Variants in ANKMY1 observed in about 807,000 individuals in gnomAD.
ANKMY1 encodes the protein ankyrin repeat and MYND domain containing 1, also known as ankyrin repeat and MYND domain-containing protein 1.
A neutral mutation model predicts 102.0 loss-of-function variants in ANKMY1; 98 were observed. The observed-to-expected ratio is 0.96, with a 90% CI of 0.82 to 1.14. ANKMY1 has a LOEUF of 1.14. Among genes scored for constraint, ANKMY1 ranks in the 50% most tolerant of loss-of-function variants. The probability of loss-of-function intolerance (pLI) is 0.00; values close to 1 mark genes in which losing one functional copy is unlikely to be tolerated. For synonymous variants in ANKMY1, 582 were observed against 559.9 expected (o/e 1.04, Z -0.56); for missense variants, 1,330 against 1,347.6 (o/e 0.99, Z 0.20).
intron 4 of ANKMY1, among the ~76,000 whole-genome samples, chr2:240,538,206 C>A (rs2087408205): frequency 6.6e-6 from 1 of 152,366 alleles, no homozygotes; most frequent in South Asian, 2.1e-4. Flanking sequence ...CAGCCTGCTG[C>A]TGCGCTGTGG....
At chr2:240,482,067 G>T in intron 16 of ANKMY1, 116 bp downstream of exon 16, 1 of 1,175,944 alleles carries the variant, frequency 8.5e-7, no homozygotes, top group Non-Finnish European at 1.2e-6. Context: ...CATGCCACTT[G>T]GGGGTCAGAT....
At chr2:240,550,360 C>T (rs1426615084) in intron 4 of ANKMY1, among the ~76,000 whole-genome samples, 5 of 107,106 alleles carry the variant, frequency 4.7e-5, no homozygotes, top group Non-Finnish European at 8.6e-5. Context: ...CTGGGGACTG[C>T]TGTGGGGTGG....
intron 15 of ANKMY1, among the ~76,000 whole-genome samples, chr2:240,486,596 T>C (rs2076087490): frequency 6.6e-6 from 1 of 152,232 alleles, no homozygotes; most frequent in African/African-American, 2.4e-5. Flanking sequence ...TTCACTTTCA[T>C]GTTTGCAAGT....
chr2:240,526,640 G>A (rs1293511284), intron 5 of ANKMY1, 195 bp from the exon 6 acceptor site: 2 of 1,438,550 alleles, frequency 1.4e-6, no homozygotes, highest in Non-Finnish European at 1.8e-6. Context: ...ACACGGTGGT[G>A]CAGACATGCC....
upstream of ANKMY1, chr2:240,560,354 G>C (rs538894732): frequency 3.2e-3 from 720 of 223,788 alleles, 8 homozygotes; most frequent in African/African-American, 0.015. Context: ...GCGCCCAAGA[G>C]CCACAGACGC....
At chr2:240,560,759 A>G (rs2092916017), upstream of ANKMY1, 2 of 1,488,258 alleles carry the variant, frequency 1.3e-6, no homozygotes, top group East Asian at 2.9e-5. Flanking sequence ...TCGCGCCCTC[A>G]CTCTTCCTCG....
At chr2:240,482,132 CA>C (rs780291082) in intron 16 of ANKMY1, 50 bp downstream of exon 16, 1 of 1,595,516 alleles carries the variant, frequency 6.3e-7, no homozygotes, top group Admixed American at 1.7e-5. Flanking sequence ...CAGCACTGTC[CA>C]AACCACAGGC....
chr2:240,523,677 G>A, intron 8 of ANKMY1: 2 of 790,138 alleles, frequency 2.5e-6, no homozygotes, highest in South Asian at 3.7e-5. Context: ...CAGGGCTGGG[G>A]TGGCACTGAA....
intron 4 of ANKMY1, among the ~76,000 whole-genome samples, chr2:240,541,506 T>C (rs1051137056): frequency 6.8e-6 from 1 of 146,620 alleles, no homozygotes; most frequent in African/African-American, 2.5e-5. Flanking sequence ...TTGTTGCTTT[T>C]TTTTTTTTTT....
At chr2:240,534,038 A>G (rs1309435140) in intron 4 of ANKMY1, among the ~76,000 whole-genome samples, 4 of 152,268 alleles carry the variant, frequency 2.6e-5, no homozygotes, top group Non-Finnish European at 5.9e-5. Context: ...GAAATCTCAC[A>G]GCATCCTGCC....
In ANKMY1 at chr2:240,482,251, GA is replaced by G. The variant is rs1368827703; in HGVS notation, c.2816del (p.Ile939ThrfsTer6). ...CCTTCTTCTTCATCCTGTGGCTGGGGATCAGCTCCGCTGCATGAGAGAGGGT... is the reference window on the plus strand; with the variant it reads ...CCTTCTTCTTCATCCTGTGGCTGGGGTCAGCTCCGCTGCATGAGAGAGGGT... Reference protein sequence around the residue: ...WLYLCKRAELIPSHRMKKKGP... With the variant: ...WLYLCKRAELXPSHRMKKKGP... On this transcript the variant is annotated frameshift_variant, in exon 16 of 18. Transcript: ENST00000401804. LOFTEE classifies it high-confidence loss of function. 3 of 1,612,570 alleles carry G rather than the reference GA, an allele frequency of 1.9e-6. No individual in the cohort carries two copies. Among genetic ancestry groups the G allele is most frequent in the Admixed American group, 1.7e-5 (1 of 59,738 alleles).
intron 13 of ANKMY1, among the ~76,000 whole-genome samples, chr2:240,501,786 C>A (rs2078223972): frequency 6.6e-6 from 1 of 152,214 alleles, no homozygotes; most frequent in Non-Finnish European, 1.5e-5. Flanking sequence ...GACTCCCTGG[C>A]ACATGGGGGC....
intron 9 of ANKMY1, among the ~76,000 whole-genome samples, chr2:240,516,534 A>C (rs146723805): frequency 2.6e-5 from 4 of 152,330 alleles, no homozygotes; most frequent in South Asian, 2.1e-4. Context: ...GGTTATCCTA[A>C]TTATTGTTAA....
chr2:240,503,977 C>T (rs985399139), intron 13 of ANKMY1, among the ~76,000 whole-genome samples: 9 of 152,216 alleles, frequency 5.9e-5, no homozygotes, highest in African/African-American at 1.9e-4. Context: ...GAAGCCACAG[C>T]GAGGTCTGCA....
intron 9 of ANKMY1, among the ~76,000 whole-genome samples, chr2:240,516,540 G>A (rs2081252145): frequency 6.6e-6 from 1 of 152,144 alleles, no homozygotes; most frequent in African/African-American, 2.4e-5. Flanking sequence ...CCTAATTATT[G>A]TTAAGTTGTT....
chr2:240,552,926 T>C lies in ANKMY1; in HGVS notation c.468A>G (p.Thr156=). 1 of 1,613,836 alleles carries C rather than the reference T, an allele frequency of 6.2e-7. No homozygotes were observed. Among genetic ancestry groups the C allele is most frequent in the Non-Finnish European group, 8.5e-7 (1 of 1,179,998 alleles). ...GCAGCCCCCTCACCTGGAAAAGCCG[T>C]GTCTTCATGTACATGGTGCCGTAGC... The part of the protein sequence containing the change: ...REGYGTMYMK[T]RLFQGLYKAD... The change falls in exon 4 of 18, where the codon ACA becomes ACG. Residue 156 remains threonine, a synonymous_variant. Coordinates refer to ENST00000401804, the MANE Select transcript of ANKMY1 (RefSeq NM_001282771.3).
At chr2:240,507,893 G>C (rs2079383608) in intron 12 of ANKMY1, 1 of 519,810 alleles carries the variant, frequency 1.9e-6, no homozygotes, top group African/African-American at 2.0e-5. Context: ...TGGGCGGGGA[G>C]GGGTCCCATG....
intron 5 of ANKMY1, chr2:240,526,677 T>C: frequency 6.3e-6 from 9 of 1,421,628 alleles, no homozygotes; most frequent in Non-Finnish European, 8.2e-6. Flanking sequence ...GCTTGGGCTA[T>C]ATGTCTGTCC....
In ANKMY1 at chr2:240,542,455, T is replaced by C. The variant is rs567720763; in HGVS notation, c.480+10459A>G. Among the ~76,000 whole-genome samples, 238 of 150,630 alleles carry C rather than the reference T, an allele frequency of 1.6e-3. No individual in the cohort carries two copies. In the Middle Eastern group the frequency reaches 0.021, roughly 13 times the overall value. On this transcript the variant is annotated intron_variant, in intron 4 of 17. Transcript: ENST00000401804. Reference sequence around the variant, plus strand: ...GGAGGTGGAGGTTGCAGTGAGCTGATACCGCGCCACTGCACGCCAGCCTGG... The same window carrying C: ...GGAGGTGGAGGTTGCAGTGAGCTGACACCGCGCCACTGCACGCCAGCCTGG...
Sources: gnomAD v4.1 joint callset for allele counts (sites outside exome capture counted in the v4.1 genomes callset) on GRCh38, gnomAD v4.1.1 for gene constraint, MANE v1.5 for transcripts, NCBI Gene and HGNC (gene_info 2026-07-23, HGNC 2026-07-21) for gene names.